The following UBE2R2 variants were observed in gnomAD, a reference collection of about 807,000 sequenced individuals.
UBE2R2 encodes ubiquitin conjugating enzyme E2 R2, also known as ubiquitin-conjugating enzyme E2 R2.
A neutral mutation model predicts 27.8 loss-of-function variants in UBE2R2; 1 was observed. That is an observed-to-expected ratio of 0.04 (90% CI 0.01 to 0.17). The LOEUF is 0.17. UBE2R2 is among the 10% of genes least tolerant of loss of function. UBE2R2 has a pLI of 1.00. For missense variants in UBE2R2, 100 were observed against 291.0 expected (o/e 0.34, Z 4.78); for synonymous variants, 106 against 113.3 (o/e 0.94, Z 0.41).
chr9:33,859,760 T>TTGTGTGTGTGTGTGTGTG (rs57089790), intron 1 of UBE2R2, among the ~76,000 whole-genome samples: 46 of 130,712 alleles, frequency 3.5e-4, no homozygotes, highest in Non-Finnish European at 5.7e-4. Flanking sequence ...TCTAAGCCTT[T>TTGTGTGTGTGTGTGTGTG]TGTGTGTGTG....
chr9:33,899,494 C>G (rs1043891570), intron 2 of UBE2R2, among the ~76,000 whole-genome samples: 2 of 152,184 alleles, frequency 1.3e-5, no homozygotes, highest in Non-Finnish European at 2.9e-5. Flanking sequence ...CCTGCCCCAG[C>G]CTCCTGAGTA....
At chr9:33,855,420 A>G (rs1170196976) in intron 1 of UBE2R2, among the ~76,000 whole-genome samples, 1 of 152,182 alleles carries the variant, frequency 6.6e-6, no homozygotes, top group Non-Finnish European at 1.5e-5. Flanking sequence ...TCTTTGATAC[A>G]GTTGTATGTA....
At position 33,817,755 on chromosome 9, in the gene UBE2R2, G is replaced by GC; in HGVS notation, c.-2dup. ...CGGCGCCGCCGCCGCCGCCGCCGCC[G>GC]CGATGGCCCAGCAGCAGATGACCAG... On this transcript the variant is annotated 5_prime_UTR_variant, in exon 1 of 5. Transcript: ENST00000263228. The GC allele has an allele frequency of 6.6e-7, 1 of 1,524,962 alleles. No individual in the cohort carries two copies. Among genetic ancestry groups the GC allele is most frequent in the Non-Finnish European group, 8.8e-7 (1 of 1,137,176 alleles). The allele number at this position is 1,524,962 out of a possible 1,614,324, so 94.5% of individuals were successfully genotyped here.
chr9:33,911,929 G>T, intron 3 of UBE2R2, 35 bp from the exon 4 acceptor site: 2 of 1,583,980 alleles, frequency 1.3e-6, no homozygotes, highest in Non-Finnish European at 1.7e-6. Flanking sequence ...TGTAAATATG[G>T]GTATTCATAG....
intron 2 of UBE2R2, among the ~76,000 whole-genome samples, chr9:33,888,558 C>T (rs756116453): frequency 6.6e-6 from 1 of 152,156 alleles, no homozygotes; most frequent in Non-Finnish European, 1.5e-5. Context: ...ATCTCTGTCA[C>T]CCAGGCTGGA....
intron 1 of UBE2R2, among the ~76,000 whole-genome samples, chr9:33,840,380 A>G (rs1587436341): frequency 6.6e-6 from 1 of 152,150 alleles, no homozygotes; most frequent in African/African-American, 2.4e-5. Context: ...ATTTAGTGTT[A>G]TGATGTCTTT....
At chr9:33,883,155 G>A (rs1257267514) in intron 1 of UBE2R2, among the ~76,000 whole-genome samples, 1 of 152,022 alleles carries the variant, frequency 6.6e-6, no homozygotes, top group African/African-American at 2.4e-5. Context: ...TGTGTTTTTG[G>A]TGTCACGTGT....
At chr9:33,880,115 C>T (rs1030189920) in intron 1 of UBE2R2, among the ~76,000 whole-genome samples, 1 of 151,188 alleles carries the variant, frequency 6.6e-6, no homozygotes, top group Non-Finnish European at 1.5e-5. Flanking sequence ...CCAACTCCTG[C>T]GCTCAAGGAA....
intron 1 of UBE2R2, 78 bp from the exon 2 acceptor site, chr9:33,886,803 C>T (rs527636359): frequency 5.1e-6 from 6 of 1,175,666 alleles, no homozygotes; most frequent in East Asian, 2.6e-5. Flanking sequence ...GTTTCTGTGG[C>T]GTGTAGTAGG....
In UBE2R2 at chr9:33,817,853, G is replaced by T; in HGVS notation, c.96G>T (p.Leu32=). 6.2e-7 allele frequency: 1 copy of T among 1,612,370 alleles called. No homozygotes were observed. Among genetic ancestry groups the T allele is most frequent in the Non-Finnish European group, 8.5e-7 (1 of 1,179,082 alleles). The part of the protein sequence containing the change: ...EEPVEGFRIT[L]VDESDLYNWE... The stretch of plus-strand genomic sequence containing the variant: ...CGGTGGAGGGCTTCCGGATCACCCT[G>T]GTGGACGAGTCCGACCTCTACAACT... The change falls in exon 1 of 5, where the codon CTG becomes CTT. Residue 32 remains leucine, a synonymous_variant. Coordinates refer to ENST00000263228, the MANE Select transcript of UBE2R2 (RefSeq NM_017811.4).
At chr9:33,864,238 A>C (rs1162807002) in intron 1 of UBE2R2, among the ~76,000 whole-genome samples, 9 of 152,174 alleles carry the variant, frequency 5.9e-5, no homozygotes, top group Admixed American at 5.9e-4. Flanking sequence ...TTAGCACTAG[A>C]ATGTCTTTCC....
At chr9:33,896,079 A>G (rs34576091) in intron 2 of UBE2R2, among the ~76,000 whole-genome samples, 10,331 of 152,088 alleles carry the variant, frequency 0.068, 495 homozygotes, top group Non-Finnish European at 0.099. Context: ...GGCCAGATCT[A>G]TTCTTTTAAA....
At chr9:33,902,466 T>C (rs1822264771) in intron 3 of UBE2R2, among the ~76,000 whole-genome samples, 1 of 152,196 alleles carries the variant, frequency 6.6e-6, no homozygotes, top group Non-Finnish European at 1.5e-5. Flanking sequence ...TGGCTTGGGT[T>C]GCAGCTATTA....
chr9:33,867,238 A>C (rs1212969640), intron 1 of UBE2R2, among the ~76,000 whole-genome samples: 1 of 151,914 alleles, frequency 6.6e-6, no homozygotes, highest in Non-Finnish European at 1.5e-5. Flanking sequence ...TCTTTGTCAT[A>C]TATGTTGATG....
intron 1 of UBE2R2, among the ~76,000 whole-genome samples, chr9:33,878,568 A>G (rs10119038): frequency 0.27 from 40,294 of 152,006 alleles, 5,532 homozygotes; most frequent in South Asian, 0.4. Context: ...CTATGAGCCA[A>G]GATTGCACCA....
At chr9:33,832,339 T>C (rs1820510569) in intron 1 of UBE2R2, among the ~76,000 whole-genome samples, 1 of 147,638 alleles carries the variant, frequency 6.8e-6, no homozygotes, top group African/African-American at 2.5e-5. Flanking sequence ...AGAAATTATT[T>C]AATACCCTTT....
intron 1 of UBE2R2, among the ~76,000 whole-genome samples, chr9:33,826,257 G>A (rs1820313663): frequency 1.3e-5 from 2 of 152,046 alleles, no homozygotes; most frequent in Admixed American, 6.6e-5. Flanking sequence ...TTATGCTTAT[G>A]TACCTCAAAA....
intron 3 of UBE2R2, among the ~76,000 whole-genome samples, chr9:33,904,213 G>A (rs1320839548): frequency 1.3e-5 from 2 of 152,148 alleles, no homozygotes; most frequent in African/African-American, 4.8e-5. Context: ...TTTTCTAACA[G>A]GTCATTTATG....
At chr9:33,883,402 A>T (rs903800256) in intron 1 of UBE2R2, among the ~76,000 whole-genome samples, 1 of 152,088 alleles carries the variant, frequency 6.6e-6, no homozygotes, top group South Asian at 2.1e-4. Flanking sequence ...TGGGATTTCC[A>T]CTACTCCCCC....
Sources: gnomAD v4.1 joint callset for allele counts (sites outside exome capture counted in the v4.1 genomes callset) on GRCh38, gnomAD v4.1.1 for gene constraint, MANE v1.5 for transcripts, NCBI Gene and HGNC (gene_info 2026-07-23, HGNC 2026-07-21) for gene names.